Variants in CAB39L observed in about 807,000 individuals in gnomAD.
CAB39L encodes the protein calcium-binding protein 39-like.
CAB39L carries 23 observed loss-of-function variants against 39.1 expected under a neutral mutation model. The observed-to-expected ratio is 0.59, with a 90% CI of 0.42 to 0.83. CAB39L has a LOEUF of 0.83. CAB39L is among the 40% of genes least tolerant of loss of function. CAB39L has a pLI of 0.00. For missense variants in CAB39L, 366 were observed against 391.9 expected (o/e 0.93, Z 0.56); for synonymous variants, 126 against 137.2 (o/e 0.92, Z 0.57).
At position 49,339,410 on chromosome 13, in the gene CAB39L, C is replaced by T. The variant is rs553887152; in HGVS notation, c.690+267G>A. On this transcript the variant is annotated intron_variant, in intron 9 of 10. Transcript: ENST00000409308. The stretch of plus-strand genomic sequence containing the variant: ...CCTCCCAAAGTGCTGGGATTACAGG[C>T]GTAAGCCAAGATGCCTGGCCTCAGC... Among the ~76,000 whole-genome samples the T allele has an allele frequency of 4.5e-4, 68 of 152,202 alleles. 1 individual carries two copies. Among genetic ancestry groups the T allele is most frequent in the African/African-American group, 1.6e-3 (67 of 41,554 alleles).
At chr13:49,430,568 TC>T (rs1695889757) in intron 3 of CAB39L, among the ~76,000 whole-genome samples, 1 of 152,252 alleles carries the variant, frequency 6.6e-6, no homozygotes, top group South Asian at 2.1e-4. Context: ...ATTTCTTTTT[TC>T]ACCAATCATT....
At chr13:49,405,793 G>T (rs539865815) in intron 3 of CAB39L, among the ~76,000 whole-genome samples, 1 of 146,714 alleles carries the variant, frequency 6.8e-6, no homozygotes, top group African/African-American at 2.5e-5. Flanking sequence ...GAGGGAGGAG[G>T]GAGGGACATA....
chr13:49,367,068 C>G (rs771521351), intron 5 of CAB39L, among the ~76,000 whole-genome samples: 1 of 151,930 alleles, frequency 6.6e-6, no homozygotes, highest in African/African-American at 2.4e-5. Flanking sequence ...TGCCTATAAT[C>G]CCAGGCAAGA....
chr13:49,413,148 T>C (rs991775757), intron 3 of CAB39L: 2 of 152,144 alleles, frequency 1.3e-5, no homozygotes, highest in Non-Finnish European at 2.9e-5. Context: ...CTTAGCTATC[T>C]ATATAAAATC....
chr13:49,320,153 G>C (rs1265324809), intron 10 of CAB39L, among the ~76,000 whole-genome samples: 1 of 152,172 alleles, frequency 6.6e-6, no homozygotes, highest in Non-Finnish European at 1.5e-5. Flanking sequence ...ACTGGTCAAG[G>C]CCTGAGATTA....
intron 1 of CAB39L, among the ~76,000 whole-genome samples, chr13:49,440,996 T>A (rs2138758545): frequency 6.6e-6 from 1 of 152,092 alleles, no homozygotes; most frequent in East Asian, 1.9e-4. Flanking sequence ...TCTTGCCTGA[T>A]TGCTCTGGCT....
chr13:49,435,083 C>T (rs1007659700), intron 1 of CAB39L, among the ~76,000 whole-genome samples: 6 of 152,196 alleles, frequency 3.9e-5, no homozygotes, highest in African/African-American at 1.4e-4. Context: ...GCATACTTTT[C>T]CATGCCTTTG....
chr13:49,427,588 CT>C (rs749472544), intron 3 of CAB39L, among the ~76,000 whole-genome samples: 217 of 152,190 alleles, frequency 1.4e-3, no homozygotes, highest in Non-Finnish European at 2.8e-3. Flanking sequence ...ACTTGGGAGA[CT>C]GATATGGGAA....
At chr13:49,331,392 G>A (rs532293882) in intron 10 of CAB39L, among the ~76,000 whole-genome samples, 26 of 152,156 alleles carry the variant, frequency 1.7e-4, no homozygotes. Context: ...CTTTAACCTG[G>A]GAGGCAGAGG....
rs1470284530 is a variant in CAB39L at position 49,377,113 on chromosome 13, T to C, written c.130A>G (p.Lys44Glu). The C allele has an allele frequency of 6.2e-7, 1 of 1,613,586 alleles. No individual in the cohort carries two copies. Among genetic ancestry groups the C allele is most frequent in the Non-Finnish European group, 8.5e-7 (1 of 1,179,608 alleles). Residue 44 changes from lysine to glutamate, a missense_variant, in exon 5 of 11, where the codon AAA (lysine) becomes GAA (glutamate). Lys to Glu is a moderately conservative substitution (Grantham distance 56). Transcript: ENST00000409308. ...ATTTCTTTCATTGCTTGCAGTGATT[T>C]AGACACTTCTTCTGAAGCCTAGTGA... is the stretch of plus-strand genomic sequence containing the variant. ...KTDKASEEVS[K>E]SLQAMKEILC...
intron 3 of CAB39L, among the ~76,000 whole-genome samples, chr13:49,410,677 T>C (rs1007097187): frequency 6.6e-6 from 1 of 152,378 alleles, no homozygotes; most frequent in African/African-American, 2.4e-5. Context: ...AGTATCTCTT[T>C]CTACAGAGTT....
intron 3 of CAB39L, among the ~76,000 whole-genome samples, chr13:49,404,330 C>G (rs1188360752): frequency 6.6e-6 from 1 of 152,116 alleles, no homozygotes. Flanking sequence ...TGAATATCGC[C>G]TAATGCAAAT....
At chr13:49,391,336 T>C (rs1956485207) in intron 3 of CAB39L, among the ~76,000 whole-genome samples, 1 of 151,970 alleles carries the variant, frequency 6.6e-6, no homozygotes, top group Non-Finnish European at 1.5e-5. Flanking sequence ...GAAAGGAAGA[T>C]GGAGGAGAAA....
intron 5 of CAB39L, among the ~76,000 whole-genome samples, chr13:49,376,762 C>A (rs1379554521): frequency 6.6e-6 from 1 of 152,132 alleles, no homozygotes; most frequent in African/African-American, 2.4e-5. Context: ...TCTTTGCTAC[C>A]TAGCTGCATA....
intron 7 of CAB39L, among the ~76,000 whole-genome samples, chr13:49,346,886 G>A (rs1349371380): frequency 6.6e-6 from 1 of 152,150 alleles, no homozygotes; most frequent in East Asian, 1.9e-4. Flanking sequence ...GATTATGGTT[G>A]TATGGAATCC....
intron 10 of CAB39L, among the ~76,000 whole-genome samples, chr13:49,328,856 T>G (rs1954581105): frequency 2.0e-5 from 3 of 152,102 alleles, no homozygotes; most frequent in Admixed American, 6.5e-5. Flanking sequence ...CTATTATGTT[T>G]TGTGACTTTT....
At chr13:49,428,479 A>T (rs1205571564) in intron 3 of CAB39L, among the ~76,000 whole-genome samples, 1 of 152,240 alleles carries the variant, frequency 6.6e-6, no homozygotes, top group African/African-American at 2.4e-5. Context: ...GTCTTGGCAC[A>T]GTATGGAAGA....
At chr13:49,319,007 G>T (rs1475848081) in intron 10 of CAB39L, among the ~76,000 whole-genome samples, 1 of 152,086 alleles carries the variant, frequency 6.6e-6, no homozygotes, top group Non-Finnish European at 1.5e-5. Context: ...AATCCCAGAG[G>T]CCAAGGCAGG....
chr13:49,356,648 T>C (rs904733163), intron 6 of CAB39L, among the ~76,000 whole-genome samples: 19 of 152,240 alleles, frequency 1.2e-4, no homozygotes, highest in African/African-American at 4.6e-4. Flanking sequence ...TATTATTGTT[T>C]GATGTGTAAA....
Sources: allele counts gnomAD v4.1 joint callset (sites outside exome capture counted in the v4.1 genomes callset), GRCh38; gene constraint gnomAD v4.1.1; transcripts MANE v1.5; gene names NCBI Gene and HGNC (gene_info 2026-07-23, HGNC 2026-07-21).